PDE4D: variants seen among roughly 807,000 people sequenced by gnomAD.
PDE4D encodes 3',5'-cyclic-AMP phosphodiesterase 4D.
A neutral mutation model predicts 87.4 loss-of-function variants in PDE4D; 24 were observed. That is an observed-to-expected ratio of 0.27 (90% confidence interval 0.20 to 0.39). The LOEUF is 0.39. Ranked by LOEUF, PDE4D falls within the 10% of genes least tolerant of loss-of-function variation. PDE4D has a pLI of 1.00. For synonymous variants in PDE4D, 384 were observed against 383.2 expected (o/e 1.00, Z -0.02); for missense variants, 714 against 1,041.0 (o/e 0.69, Z 4.32).
chr5:59,516,435 T>TCCAGCA (rs1295277376), intron 1 of PDE4D, among the ~76,000 whole-genome samples: 3 of 152,216 alleles, frequency 2.0e-5, no homozygotes, highest in Admixed American at 1.3e-4. Context: ...GGAGTTGAGT[T>TCCAGCA]CCAGCACTAA....
chr5:59,952,211 T>G (rs1758365654), intron 3 of PDE4D, among the ~76,000 whole-genome samples: 1 of 152,186 alleles, frequency 6.6e-6, no homozygotes, highest in African/African-American at 2.4e-5. Context: ...CCTCCATGAT[T>G]GTAAGTTTCC....
chr5:60,474,117 TATATATATA>T (rs1748102349), intron 1 of PDE4D, among the ~76,000 whole-genome samples: 1 of 72,932 alleles, frequency 1.4e-5, no homozygotes, highest in Admixed American at 1.3e-4. Context: ...TATATATATA[TATATATATA>T]TATATATATA....
intron 1 of PDE4D, among the ~76,000 whole-genome samples, chr5:59,475,727 A>G (rs1803200639): frequency 6.6e-6 from 1 of 152,058 alleles, no homozygotes; most frequent in Admixed American, 6.6e-5. Flanking sequence ...TTAGGCTTTC[A>G]GAATCTAAAC....
At chr5:59,404,426 A>G (rs1791244639) in intron 1 of PDE4D, among the ~76,000 whole-genome samples, 1 of 152,182 alleles carries the variant, frequency 6.6e-6, no homozygotes, top group Non-Finnish European at 1.5e-5. Context: ...TGGGAGGCCT[A>G]GGCAGGTATA....
At chr5:59,420,537 G>A (rs984549043) in intron 1 of PDE4D, among the ~76,000 whole-genome samples, 32 of 152,174 alleles carry the variant, frequency 2.1e-4, no homozygotes, top group African/African-American at 7.5e-4. Context: ...CTTTGCTGAC[G>A]AAATGAAACA....
intron 1 of PDE4D, among the ~76,000 whole-genome samples, chr5:60,232,090 TAAA>T (rs1745883568): frequency 6.6e-6 from 1 of 151,864 alleles, no homozygotes; most frequent in African/African-American, 2.4e-5. Context: ...TTGTAATCTA[TAAA>T]AAAGAACCAC....
chr5:60,476,561 G>A (rs1748341309), intron 1 of PDE4D, among the ~76,000 whole-genome samples: 1 of 152,224 alleles, frequency 6.6e-6, no homozygotes, highest in East Asian at 1.9e-4. Flanking sequence ...TAGAAAGAAT[G>A]TAACGAGCTT....
At chr5:60,175,566 A>G (rs1378939715) in intron 2 of PDE4D, among the ~76,000 whole-genome samples, 1 of 152,160 alleles carries the variant, frequency 6.6e-6, no homozygotes, top group Non-Finnish European at 1.5e-5. Flanking sequence ...AGATTGTGAA[A>G]TGGCTTGCCA....
At chr5:60,477,140 A>G (rs1372384981) in intron 1 of PDE4D, among the ~76,000 whole-genome samples, 2 of 152,214 alleles carry the variant, frequency 1.3e-5, no homozygotes, top group African/African-American at 4.8e-5. Context: ...GAGAGAGGAA[A>G]TCAAACAGCA....
chr5:60,333,600 T>C (rs1011529265), intron 1 of PDE4D, among the ~76,000 whole-genome samples: 6 of 152,192 alleles, frequency 3.9e-5, no homozygotes, highest in African/African-American at 1.4e-4. Flanking sequence ...CTGAACAAAG[T>C]ATTATTTAAA....
intron 2 of PDE4D, among the ~76,000 whole-genome samples, chr5:59,201,733 C>T (rs1348725476): frequency 6.6e-6 from 1 of 152,068 alleles, no homozygotes; most frequent in Non-Finnish European, 1.5e-5. Flanking sequence ...TATAATAAAG[C>T]CAACTTCAGT....
intron 2 of PDE4D, among the ~76,000 whole-genome samples, chr5:59,195,000 T>C (rs1028466316): frequency 1.3e-5 from 2 of 152,144 alleles, no homozygotes; most frequent in Non-Finnish European, 2.9e-5. Flanking sequence ...TGGGTTGTTA[T>C]AAAGTGAGCC....
At chr5:59,828,613 C>A (rs575035797) in intron 1 of PDE4D, among the ~76,000 whole-genome samples, 98 of 152,072 alleles carry the variant, frequency 6.4e-4, no homozygotes, top group Non-Finnish European at 1.2e-3. Flanking sequence ...ACTCCTATCA[C>A]TGCTTATGAA....
chr5:59,716,927 T>C (rs1755114624), intron 1 of PDE4D, among the ~76,000 whole-genome samples: 1 of 152,216 alleles, frequency 6.6e-6, no homozygotes, highest in East Asian at 1.9e-4. Context: ...TACACTCTAA[T>C]TTTGGACTTG....
rs528536350 is a variant in PDE4D, at chr5:59,861,933, T to C, written c.455+31235A>G. Reference sequence around the variant, plus strand: ...GCAAAGGCCTGAGTAGGGCCAGCCTTAGGCAAATTGTGAAGCAGTCCAAAT... The same window carrying C: ...GCAAAGGCCTGAGTAGGGCCAGCCTCAGGCAAATTGTGAAGCAGTCCAAAT... On this transcript the variant is annotated intron_variant, in intron 1 of 14. Transcript: ENST00000340635. Among the ~76,000 whole-genome samples, 4 of 152,368 alleles carry C rather than the reference T, an allele frequency of 2.6e-5. No individual in the cohort carries two copies. The East Asian group carries it at 7.7e-4, about 29-fold the overall frequency.
intron 1 of PDE4D, among the ~76,000 whole-genome samples, chr5:60,464,942 C>CT (rs1416721850): frequency 4.6e-5 from 7 of 151,736 alleles, no homozygotes; most frequent in South Asian, 4.2e-4. Flanking sequence ...TCTCTATAAA[C>CT]TTTTTTTTGT....
intron 5 of PDE4D, among the ~76,000 whole-genome samples, chr5:59,043,448 G>A (rs957147552): frequency 7.9e-5 from 12 of 152,078 alleles, no homozygotes; most frequent in African/African-American, 2.7e-4. Context: ...GCGTGAACCC[G>A]GCAGGCAGAG....
At chr5:59,413,669 T>A (rs907028344) in intron 1 of PDE4D, among the ~76,000 whole-genome samples, 4 of 152,120 alleles carry the variant, frequency 2.6e-5, no homozygotes, top group African/African-American at 9.7e-5. Context: ...ACAGATGTGA[T>A]ATGCGGGAAA....
In PDE4D at chr5:60,477,054, C is replaced by T. The variant is rs145299964; in HGVS notation, c.-90+10888G>A. On this transcript the variant is annotated intron_variant, in intron 1 of 16. Coordinates refer to the PDE4D transcript ENST00000502484. ...CTGGGCAAAGTGGATAACCAGTATT[C>T]TTTAAAATACGTCCAGTTTGAAGTT... Among the ~76,000 whole-genome samples the T allele has an allele frequency of 3.3e-3, 506 of 152,200 alleles. 2 individuals are homozygous for T. Among genetic ancestry groups the T allele is most frequent in the African/African-American group, 0.012 (485 of 41,534 alleles).
Sources: gnomAD v4.1 joint callset for allele counts (sites outside exome capture counted in the v4.1 genomes callset) on GRCh38, gnomAD v4.1.1 for gene constraint, MANE v1.5 for transcripts, NCBI Gene and HGNC (gene_info 2026-07-23, HGNC 2026-07-21) for gene names.